GAB1: variants seen among roughly 807,000 people sequenced by gnomAD.
The protein encoded by GAB1 is GRB2 associated binding protein 1.
Under a neutral mutation model 66.5 loss-of-function variants are expected in GAB1, and 19 were observed. The observed-to-expected ratio is 0.29, with a 90% CI of 0.20 to 0.42. The LOEUF is 0.42. GAB1 is among the 10% of genes least tolerant of loss of function. The pLI, the probability that GAB1 is intolerant of heterozygous loss-of-function variation, is 1.00. For synonymous variants in GAB1, 294 were observed against 301.4 expected (o/e 0.98, Z 0.25); for missense variants, 732 against 858.5 (o/e 0.85, Z 1.84).
intron 9 of GAB1, 75 bp from the exon 10 acceptor site, chr4:143,468,956 T>G: frequency 6.8e-7 from 1 of 1,475,452 alleles, no homozygotes; most frequent in Non-Finnish European, 9.2e-7. Flanking sequence ...GGATGTGTTT[T>G]GTGTTTTAAG....
intron 1 of GAB1, among the ~76,000 whole-genome samples, chr4:143,392,916 G>A (rs1042761495): frequency 1.3e-4 from 20 of 152,216 alleles, no homozygotes; most frequent in Non-Finnish European, 4.4e-5. Context: ...AGCTTACTGA[G>A]ATTTTTACTT....
chr4:143,425,997 T>A (rs1294159368), intron 2 of GAB1: 53 of 656,902 alleles, frequency 8.1e-5, no homozygotes, highest in South Asian at 6.1e-4. Context: ...AAAAAAATTT[T>A]AAAAATTACA....
chr4:143,445,865 C>A (rs1043865431), intron 6 of GAB1, among the ~76,000 whole-genome samples: 18 of 152,174 alleles, frequency 1.2e-4, no homozygotes, highest in Admixed American at 3.3e-4. Context: ...CATATGTATA[C>A]ATGTGCCATG....
chr4:143,358,835 G>T (rs1729548212), intron 1 of GAB1, among the ~76,000 whole-genome samples: 1 of 152,164 alleles, frequency 6.6e-6, no homozygotes, highest in Non-Finnish European at 1.5e-5. Context: ...TGGTATTTGT[G>T]GGGATACGTA....
chr4:143,459,674 A>T (rs1735381955), intron 7 of GAB1, among the ~76,000 whole-genome samples, 196 bp downstream of exon 7: 1 of 152,078 alleles, frequency 6.6e-6, no homozygotes, highest in Non-Finnish European at 1.5e-5. Context: ...TCTCCTTCTG[A>T]GTGTACAGTG....
In GAB1 at chr4:143,466,120, C is replaced by A. The variant is rs746041316; in HGVS notation, c.1821C>A (p.Asn607Lys). 7.1e-5 allele frequency: 114 copies of A among 1,613,532 alleles called. No homozygotes were observed. Among genetic ancestry groups the A allele is most frequent in the Non-Finnish European group, 9.0e-5 (106 of 1,179,728 alleles). Residue 607 changes from asparagine (N) to lysine (K), a missense_variant, in exon 9 of 10, where the codon AAC (asparagine) becomes AAA (lysine). Coordinates refer to ENST00000262994, the MANE Select transcript of GAB1 (RefSeq NM_002039.4). ...ACTTTCAGAATCTCTTTGGCAGTAACAGTCTTGATGGAGGAAGCAGCCCTA... is the reference window on the plus strand; with the variant it reads ...ACTTTCAGAATCTCTTTGGCAGTAAAAGTCTTGATGGAGGAAGCAGCCCTA... ...SSEDPNLFGS[N>K]SLDGGSSPMI...
At chr4:143,409,861 GTTTGT>G (rs962079552) in intron 1 of GAB1, among the ~76,000 whole-genome samples, 31 of 152,208 alleles carry the variant, frequency 2.0e-4, no homozygotes, top group Admixed American at 1.1e-3. Flanking sequence ...AAGGACCTGT[GTTTGT>G]TTTGTTTTGT....
At chr4:143,339,526 A>G (rs1361324881) in intron 1 of GAB1, among the ~76,000 whole-genome samples, 1 of 152,242 alleles carries the variant, frequency 6.6e-6, no homozygotes, top group African/African-American at 2.4e-5. Flanking sequence ...TAGCAACAAC[A>G]AAATAAAGGT....
intron 1 of GAB1, among the ~76,000 whole-genome samples, chr4:143,345,036 C>T (rs1374934907): frequency 1.3e-5 from 2 of 152,160 alleles, no homozygotes; most frequent in Non-Finnish European, 2.9e-5. Flanking sequence ...TTATCTGGAA[C>T]AAAAATTTTC....
chr4:143,350,091 T>G lies in GAB1; in HGVS notation c.72+12831T>G. On this transcript the variant is annotated intron_variant, in intron 1 of 9. Coordinates refer to ENST00000262994, the MANE Select transcript of GAB1 (RefSeq NM_002039.4). The stretch of plus-strand genomic sequence containing the variant: ...CAGGGCCACCAGGGCCTCCGGGCCC[T>G]CCCGCTGCACCGGCGTCATCCGCCA... 2.1e-6 allele frequency: 3 copies of G among 1,397,186 alleles called. No individual in the cohort carries two copies. The South Asian group carries it at 3.7e-5, about 17-fold the overall frequency. 86.5% of individuals were successfully genotyped at this position (1,397,186 alleles called of 1,614,324 possible). A position where few individuals can be genotyped will look rare whatever the true frequency, so the allele number is the denominator to read the frequency against.
At chr4:143,384,069 T>C (rs1303591720) in intron 1 of GAB1, among the ~76,000 whole-genome samples, 3 of 151,942 alleles carry the variant, frequency 2.0e-5, no homozygotes, top group East Asian at 1.9e-4. Flanking sequence ...CAAGACCTTG[T>C]CTCTAAAAAG....
At chr4:143,418,022 C>T (rs139151004) in intron 2 of GAB1, among the ~76,000 whole-genome samples, 78 of 152,348 alleles carry the variant, frequency 5.1e-4, no homozygotes, top group African/African-American at 1.7e-3. Flanking sequence ...GCCAGCGTGC[C>T]GCTTCCTCTC....
At chr4:143,378,079 G>A (rs981098582) in intron 1 of GAB1, among the ~76,000 whole-genome samples, 5 of 152,104 alleles carry the variant, frequency 3.3e-5, no homozygotes, top group African/African-American at 4.8e-5. Flanking sequence ...GATGTATAGC[G>A]TATAAAAACA....
chr4:143,437,332 C>G (rs536730042), intron 3 of GAB1, among the ~76,000 whole-genome samples: 1 of 152,274 alleles, frequency 6.6e-6, no homozygotes, highest in African/African-American at 2.4e-5. Context: ...CGAAAATGTT[C>G]ATAAATGTAC....
intron 1 of GAB1, among the ~76,000 whole-genome samples, chr4:143,396,512 A>C (rs1731464403): frequency 2.6e-5 from 4 of 152,170 alleles, no homozygotes. Context: ...CGGGTGGCTT[A>C]ATGTCATTCT....
chr4:143,457,770 G>A lies in GAB1; in HGVS notation c.1586-1615G>A, dbSNP rs761102417. 3.3e-6 allele frequency: 5 copies of A among 1,523,918 alleles called. No individual in the cohort carries two copies. In the South Asian group the frequency reaches 6.1e-5, roughly 19 times the overall value. 94.4% of individuals were successfully genotyped at this position (1,523,918 alleles called of 1,614,324 possible). A position where few individuals can be genotyped will look rare whatever the true frequency, so the allele number is the denominator to read the frequency against. ...GGTGACTTTGCTACAAGAAGAAAGG[G>A]TATGTACTTTAGCACCGCATGCTGT... On this transcript the variant is annotated intron_variant, in intron 6 of 9. Coordinates refer to ENST00000262994, the MANE Select transcript of GAB1 (RefSeq NM_002039.4).
chr4:143,409,321 G>A (rs1732233443), intron 1 of GAB1, among the ~76,000 whole-genome samples: 1 of 151,874 alleles, frequency 6.6e-6, no homozygotes. Context: ...GGTAAGTATG[G>A]TTTTGAAGAA....
chr4:143,359,734 G>C (rs1729591815), intron 1 of GAB1, among the ~76,000 whole-genome samples: 1 of 152,202 alleles, frequency 6.6e-6, no homozygotes, highest in Non-Finnish European at 1.5e-5. Context: ...CTTTCCTAGA[G>C]TACCTCTTCC....
rs909542607 is a variant in GAB1 at position 143,470,496 on chromosome 4, G to C, written c.*1307G>C. ...AGATTTCTGAAAACACCAGAGGGAT[G>C]GTATAATTCTGTCTCACCTATAACA... On this transcript the variant is annotated 3_prime_UTR_variant, in exon 10 of 10. Coordinates refer to ENST00000262994, the MANE Select transcript of GAB1 (RefSeq NM_002039.4). 2.6e-5 allele frequency: 4 copies of C among 152,086 alleles called. No individual in the cohort carries two copies. The highest frequency in any genetic ancestry group is 5.9e-5 in the Non-Finnish European group (4 of 68,002). The allele number at this position is 152,086 out of a possible 1,614,324, so 9.4% of individuals were successfully genotyped here.
Sources: gnomAD v4.1 joint callset for allele counts (sites outside exome capture counted in the v4.1 genomes callset) on GRCh38, gnomAD v4.1.1 for gene constraint, MANE v1.5 for transcripts, NCBI Gene and HGNC (gene_info 2026-07-23, HGNC 2026-07-21) for gene names.